Variants in EPM2A observed in about 807,000 individuals in gnomAD.
The protein encoded by EPM2A is laforin.
EPM2A carries 21 observed loss-of-function variants against 26.5 expected under a neutral mutation model. The observed-to-expected ratio is 0.79, with a 90% CI of 0.56 to 1.14. The LOEUF is 1.14. Among genes scored for constraint, EPM2A ranks in the 50% most tolerant of loss-of-function variants. EPM2A has a pLI of 0.00. For synonymous variants in EPM2A, 217 were observed against 177.6 expected (o/e 1.22, Z -1.76); for missense variants, 458 against 440.8 (o/e 1.04, Z -0.35).
intron 2 of EPM2A, among the ~76,000 whole-genome samples, chr6:145,575,769 A>T (rs551120397): frequency 2.0e-5 from 3 of 152,240 alleles, no homozygotes; most frequent in Non-Finnish European, 4.4e-5. Context: ...TACTATCAGA[A>T]GTAGATCCTT....
rs117710180 is a variant in EPM2A, at chr6:145,401,122, T to C, written c.556-17025A>G. Among the ~76,000 whole-genome samples, 551 of 152,298 alleles carry C rather than the reference T, an allele frequency of 3.6e-3. 1 individual carries two copies. Among genetic ancestry groups the C allele is most frequent in the Non-Finnish European group, 3.9e-3 (265 of 68,034 alleles). On this transcript the variant is annotated intron_variant, in intron 4 of 4. Transcript: ENST00000638717. ...AACAAATATATTTCCATTATCATTA[T>C]GTTTTATTTGTCTTTTTCACTACAA...
chr6:145,618,992 T>C (rs1775574224), intron 2 of EPM2A, among the ~76,000 whole-genome samples: 2 of 152,136 alleles, frequency 1.3e-5, no homozygotes, highest in African/African-American at 4.8e-5. Flanking sequence ...GGGGAGTAGT[T>C]ATATTTAAGA....
chr6:145,672,384 T>C (rs1322374269), intron 2 of EPM2A, among the ~76,000 whole-genome samples: 5 of 152,192 alleles, frequency 3.3e-5, no homozygotes, highest in Non-Finnish European at 5.9e-5. Context: ...AAGCAATTGG[T>C]TAATTGTTGA....
At chr6:145,478,159 A>G (rs992001708) in intron 4 of EPM2A, among the ~76,000 whole-genome samples, 3 of 151,910 alleles carry the variant, frequency 2.0e-5, no homozygotes, top group Non-Finnish European at 4.4e-5. Flanking sequence ...AAAGAAATCC[A>G]AAACAGTAAT....
intron 1 of EPM2A, among the ~76,000 whole-genome samples, chr6:145,689,540 A>T (rs992174766): frequency 6.6e-6 from 1 of 152,206 alleles, no homozygotes; most frequent in African/African-American, 2.4e-5. Flanking sequence ...TCCCAGACTT[A>T]GATCTGAAGA....
At chr6:145,397,149 G>A (rs1168538717) in intron 4 of EPM2A, among the ~76,000 whole-genome samples, 1 of 152,172 alleles carries the variant, frequency 6.6e-6, no homozygotes, top group Non-Finnish European at 1.5e-5. Flanking sequence ...AATTGTTACT[G>A]GCTCGGTTTG....
chr6:145,603,277 A>AT (rs920013462), intron 2 of EPM2A, among the ~76,000 whole-genome samples: 4 of 117,692 alleles, frequency 3.4e-5, no homozygotes. Context: ...TTATCTCTAA[A>AT]TTAAAAAAAA....
intron 2 of EPM2A, among the ~76,000 whole-genome samples, chr6:145,546,164 C>T (rs1780580906): frequency 6.6e-6 from 1 of 152,116 alleles, no homozygotes; most frequent in Non-Finnish European, 1.5e-5. Context: ...CAGTTCAAGT[C>T]TGAAGGCCTG....
intron 4 of EPM2A, among the ~76,000 whole-genome samples, chr6:145,414,784 C>T (rs765280045): frequency 1.3e-5 from 2 of 152,176 alleles, no homozygotes; most frequent in Non-Finnish European, 2.9e-5. Flanking sequence ...GTAATTTCTC[C>T]TCACTGGACT....
At chr6:145,617,051 G>A (rs1775529734) in intron 2 of EPM2A, among the ~76,000 whole-genome samples, 1 of 152,098 alleles carries the variant, frequency 6.6e-6, no homozygotes, top group Non-Finnish European at 1.5e-5. Flanking sequence ...TTTGGGAGGG[G>A]TCAGGGGTGG....
At chr6:145,564,596 T>A (rs1780853151) in intron 2 of EPM2A, among the ~76,000 whole-genome samples, 1 of 152,174 alleles carries the variant, frequency 6.6e-6, no homozygotes, top group Admixed American at 6.6e-5. Flanking sequence ...AAACTGTCTA[T>A]TTGTTACACA....
In EPM2A at chr6:145,626,096, T is replaced by A. The variant is rs1775792626; in HGVS notation, c.*1320A>T. The A allele has an allele frequency of 9.2e-7, 1 of 1,086,352 alleles. No homozygotes were observed. The highest frequency in any genetic ancestry group is 1.1e-6 in the Non-Finnish European group (1 of 890,742). The allele number at this position is 1,086,352 out of a possible 1,614,324, so 67.3% of individuals were successfully genotyped here. ...AGATTAAACTGGATATGATTATATATCACCTTGCACATAGAGGCTCTCAAT... is the reference window on the plus strand; with the variant it reads ...AGATTAAACTGGATATGATTATATAACACCTTGCACATAGAGGCTCTCAAT... On this transcript the variant is annotated 3_prime_UTR_variant, in exon 4 of 4. Transcript: ENST00000367519.
intron 4 of EPM2A, among the ~76,000 whole-genome samples, chr6:145,388,308 A>C (rs1050775969): frequency 2.0e-5 from 3 of 152,082 alleles, no homozygotes; most frequent in Non-Finnish European, 4.4e-5. Flanking sequence ...CTCTCCTGTG[A>C]TCTTTCTTGA....
intron 2 of EPM2A, among the ~76,000 whole-genome samples, chr6:145,655,654 T>C (rs1178447218): frequency 1.3e-5 from 2 of 152,132 alleles, no homozygotes; most frequent in Non-Finnish European, 2.9e-5. Context: ...GCTTGTCAGG[T>C]TTTAGACATT....
At chr6:145,389,641 T>C (rs142294980) in intron 4 of EPM2A, among the ~76,000 whole-genome samples, 4 of 152,344 alleles carry the variant, frequency 2.6e-5, no homozygotes, top group East Asian at 1.9e-4. Context: ...TAGCACATAA[T>C]TGGTGTTCCA....
intron 4 of EPM2A, among the ~76,000 whole-genome samples, chr6:145,494,833 G>A (rs1219591882): frequency 6.6e-6 from 1 of 152,116 alleles, no homozygotes. Context: ...TGCATTCATT[G>A]TGCTCTGCTC....
Position 145,627,465 on chromosome 6 carries a change from T to C in EPM2A, c.947A>G (p.Asp316Gly). The C allele has an allele frequency of 6.2e-7, 1 of 1,614,102 alleles. No homozygotes were observed. Among genetic ancestry groups the C allele is most frequent in the Non-Finnish European group, 8.5e-7 (1 of 1,180,024 alleles). The change falls in exon 4 of 4, where the codon GAT becomes GGT. Residue 316 changes from aspartate (D) to glycine (G), a missense_variant. Coordinates refer to ENST00000367519, the MANE Select transcript of EPM2A (RefSeq NM_005670.4). Reference protein sequence around the residue: ...DEEALARAQEDFFQKFGKVRS... With the variant: ...DEEALARAQEGFFQKFGKVRS... ...AACCTTCCCAAATTTCTGGAAAAAA[T>C]CTTCTTGTGCCCGGGCCAAGGCCTC...
In EPM2A at chr6:145,627,158, T is replaced by C. The variant is rs973361454; in HGVS notation, c.*258A>G. 1.4e-6 allele frequency: 2 copies of C among 1,382,240 alleles called. No individual in the cohort carries two copies. The highest frequency in any genetic ancestry group is 1.9e-6 in the Non-Finnish European group (2 of 1,067,204). 85.6% of individuals were successfully genotyped at this position (1,382,240 alleles called of 1,614,324 possible). A position where few individuals can be genotyped will look rare whatever the true frequency, so the allele number is the denominator to read the frequency against. On this transcript the variant is annotated 3_prime_UTR_variant, in exon 4 of 4. Transcript: ENST00000367519. ...TGCAGGCAGCAGGAACTGCACGCAT[T>C]ACCCTTCTGTCTGATGTACAGCCTA... is the stretch of plus-strand genomic sequence containing the variant.
chr6:145,466,354 A>T (rs996657979), intron 4 of EPM2A, among the ~76,000 whole-genome samples: 2 of 152,204 alleles, frequency 1.3e-5, no homozygotes, highest in African/African-American at 4.8e-5. Flanking sequence ...ACACTTCTCA[A>T]AGGAAGACAT....
Sources: allele counts gnomAD v4.1 joint callset (sites outside exome capture counted in the v4.1 genomes callset), GRCh38; gene constraint gnomAD v4.1.1; transcripts MANE v1.5; gene names NCBI Gene and HGNC (gene_info 2026-07-23, HGNC 2026-07-21).